The following PRKAR1B variants were observed in gnomAD, a reference collection of about 807,000 sequenced individuals.
PRKAR1B encodes the protein cAMP-dependent protein kinase type I-beta regulatory subunit.
A neutral mutation model predicts 46.5 loss-of-function variants in PRKAR1B; 22 were observed. The ratio of observed to expected loss-of-function variants is 0.47; its 90% CI spans 0.34 to 0.68. The LOEUF (loss-of-function observed/expected upper bound fraction) is 0.68. Ranked by LOEUF, PRKAR1B falls within the 30% of genes least tolerant of loss-of-function variation. The pLI is 0.01. For synonymous variants in PRKAR1B, 259 were observed against 217.7 expected (o/e 1.19, Z -1.67); for missense variants, 445 against 535.6 (o/e 0.83, Z 1.67).
At chr7:577,683 G>C (rs1779939142) in intron 9 of PRKAR1B, among the ~76,000 whole-genome samples, 1 of 152,070 alleles carries the variant, frequency 6.6e-6, no homozygotes, top group Non-Finnish European at 1.5e-5. Flanking sequence ...TCCGAAGGGA[G>C]GGGGCTTCAG....
chr7:582,571 G>A (rs567621199), intron 8 of PRKAR1B, among the ~76,000 whole-genome samples: 21 of 152,386 alleles, frequency 1.4e-4, no homozygotes, highest in African/African-American at 4.8e-4. Context: ...GCGGACGGAG[G>A]CCACGCGGCC....
rs142013984 is a variant in PRKAR1B at position 564,812 on chromosome 7, C to T, written c.892-13342G>A. ...GCACTTCCAGAGTGAACTCCCGAGACGAACACATCAGCTTTGGAGGGAGGA... is the reference window on the plus strand; with the variant it reads ...GCACTTCCAGAGTGAACTCCCGAGATGAACACATCAGCTTTGGAGGGAGGA... On this transcript the variant is annotated intron_variant, in intron 9 of 10. Transcript: ENST00000537384. Among the ~76,000 whole-genome samples the T allele has an allele frequency of 3.8e-3, 582 of 152,328 alleles. 3 individuals are homozygous for T. The highest frequency in any genetic ancestry group is 0.013 in the African/African-American group (553 of 41,582).
At chr7:642,240 G>T (rs1583345197) in intron 4 of PRKAR1B, among the ~76,000 whole-genome samples, 1 of 152,170 alleles carries the variant, frequency 6.6e-6, no homozygotes, top group East Asian at 1.9e-4. Flanking sequence ...GCAGATTCAT[G>T]GTGGACGGGG....
At chr7:617,331 G>C (rs1424212336) in intron 4 of PRKAR1B, among the ~76,000 whole-genome samples, 3 of 143,438 alleles carry the variant, frequency 2.1e-5, no homozygotes, top group African/African-American at 7.8e-5. Flanking sequence ...AAGAGACCGA[G>C]TCTCACTCTG....
rs190682486 is a variant in PRKAR1B, at chr7:697,501, C to T, written c.177+13828G>A. Among the ~76,000 whole-genome samples, 355 of 152,248 alleles carry T rather than the reference C, an allele frequency of 2.3e-3. 1 individual carries two copies. The highest frequency in any genetic ancestry group is 7.9e-3 in the African/African-American group (328 of 41,544). On this transcript the variant is annotated intron_variant, in intron 2 of 10. Coordinates refer to ENST00000537384, the MANE Select transcript of PRKAR1B (RefSeq NM_001164760.2). ...TTCCACGGGGTCATCCACTGCGTGC[C>T]GGGCAGGCATGAGTGGTGTTTCTGG...
chr7:714,653 C>T lies in PRKAR1B; in HGVS notation c.-22-3126G>A, dbSNP rs1340638240. Among the ~76,000 whole-genome samples, 1 of 152,248 alleles carries T rather than the reference C, an allele frequency of 6.6e-6. No homozygotes were observed. The highest frequency in any genetic ancestry group is 1.5e-5 in the Non-Finnish European group (1 of 68,044). On this transcript the variant is annotated intron_variant, in intron 1 of 10. Coordinates refer to ENST00000537384, the MANE Select transcript of PRKAR1B (RefSeq NM_001164760.2). This position sits in a 1 kb window ranked among gnomAD's most constrained non-coding sequence, Gnocchi z 4.3. Reference sequence around the variant, plus strand: ...GTAGGAGTGCGAGGCGTGGCCCCCACCGCCCCAACCTGCAGACAAGTTTCT... The same window carrying T: ...GTAGGAGTGCGAGGCGTGGCCCCCATCGCCCCAACCTGCAGACAAGTTTCT...
At chr7:584,436 G>A (rs1156463181) in intron 8 of PRKAR1B, 72 bp downstream of exon 8, 18 of 1,351,468 alleles carry the variant, frequency 1.3e-5, no homozygotes, top group Non-Finnish European at 1.9e-5. Context: ...CAGGGAATGG[G>A]GAAGAGGCCG....
chr7:627,467 C>T lies in PRKAR1B; in HGVS notation c.441-20015G>A, dbSNP rs376202843. 2.6e-5 allele frequency among the ~76,000 whole-genome samples: 4 copies of T among 152,342 alleles called. No individual in the cohort carries two copies. In the East Asian group the frequency reaches 7.7e-4, roughly 29 times the overall value. On this transcript the variant is annotated intron_variant, in intron 4 of 10. Transcript: ENST00000537384. ...GAGACTAACTCATGACTCCCCCACG[C>T]CTGAGGGTTTGCAAAGGGCAGAGCC...
intron 1 of PRKAR1B, among the ~76,000 whole-genome samples, chr7:716,400 A>G (rs1780886376): frequency 6.6e-6 from 1 of 152,036 alleles, no homozygotes. Context: ...TCGCACTTCT[A>G]AACTTTGCTC....
rs535442888 is a variant in PRKAR1B, at chr7:602,850, G to T, written c.549+3343C>A. On this transcript the variant is annotated intron_variant, in intron 6 of 10. Coordinates refer to ENST00000537384, the MANE Select transcript of PRKAR1B (RefSeq NM_001164760.2). This position sits in a 1 kb window ranked among gnomAD's most constrained non-coding sequence, Gnocchi z 6.4. ...TTCTGAGTAATATGGAAATGGCACG[G>T]CTCAGCCACACAAGGGCCTGGGCAA... is the stretch of plus-strand genomic sequence containing the variant. Among the ~76,000 whole-genome samples the T allele has an allele frequency of 6.6e-6, 1 of 152,266 alleles. No homozygotes were observed. Among genetic ancestry groups the T allele is most frequent in the South Asian group, 2.1e-4 (1 of 4,828 alleles).
At chr7:591,828 C>T (rs1016251896) in intron 7 of PRKAR1B, among the ~76,000 whole-genome samples, 1 of 152,222 alleles carries the variant, frequency 6.6e-6, no homozygotes, top group Middle Eastern at 3.2e-3. Flanking sequence ...GGCCTCATCC[C>T]CTCACACTTC....
chr7:695,558 C>T (rs989917022), intron 2 of PRKAR1B, among the ~76,000 whole-genome samples: 11 of 152,158 alleles, frequency 7.2e-5, no homozygotes, highest in African/African-American at 1.4e-4. Context: ...GTGAGATGGG[C>T]GAGGTCACAA....
chr7:672,875 G>GA (rs752139803), intron 4 of PRKAR1B, among the ~76,000 whole-genome samples: 3 of 151,158 alleles, frequency 2.0e-5, no homozygotes, highest in African/African-American at 4.9e-5. Context: ...CTCAAAAAAA[G>GA]AAAAAATAAT....
rs534728248 is a variant in PRKAR1B at position 694,373 on chromosome 7, G to GT, written c.178-13648_178-13647insA. Among the ~76,000 whole-genome samples the GT allele has an allele frequency of 7.6e-3, 1,081 of 142,706 alleles. 12 individuals are homozygous for GT. Among genetic ancestry groups the GT allele is most frequent in the Middle Eastern group, 0.046 (13 of 282 alleles). 93.6% of individuals were successfully genotyped at this position (142,706 alleles called of 152,430 possible). A position where few individuals can be genotyped will look rare whatever the true frequency, so the allele number is the denominator to read the frequency against. ...CCCGGGACCAAGACACAAGCTCCAG[G>GT]GTTTAGACCCCGGACCAAGACATCA... On this transcript the variant is annotated intron_variant, in intron 2 of 10. Transcript: ENST00000537384.
At chr7:718,794 C>T (rs1176101806) in intron 1 of PRKAR1B, among the ~76,000 whole-genome samples, 1 of 150,724 alleles carries the variant, frequency 6.6e-6, no homozygotes, top group East Asian at 1.9e-4. Context: ...TATCCCTGAC[C>T]TTTTCTCTTA....
intron 4 of PRKAR1B, among the ~76,000 whole-genome samples, chr7:635,394 A>G (rs1409290710): frequency 1.3e-5 from 2 of 152,244 alleles, no homozygotes; most frequent in Non-Finnish European, 2.9e-5. Context: ...AACAGGGGTC[A>G]GAGCAGCAGG....
intron 4 of PRKAR1B, among the ~76,000 whole-genome samples, chr7:623,384 G>A (rs749576382): frequency 1.5e-4 from 23 of 152,220 alleles, no homozygotes; most frequent in Non-Finnish European, 2.8e-4. Context: ...TCAGGTTCCA[G>A]AACCTTCTTC....
chr7:718,302 A>G (rs1274733071), intron 1 of PRKAR1B, among the ~76,000 whole-genome samples: 1 of 149,184 alleles, frequency 6.7e-6, no homozygotes, highest in Non-Finnish European at 1.5e-5. Context: ...ACACATACAC[A>G]TATATACATA....
At chr7:558,805 T>G (rs1028033903) in intron 9 of PRKAR1B, among the ~76,000 whole-genome samples, 3 of 152,144 alleles carry the variant, frequency 2.0e-5, no homozygotes, top group African/African-American at 7.2e-5. Context: ...TAGCATCAGC[T>G]TCCTTGGAAG....
Sources: gnomAD v4.1 joint callset for allele counts (sites outside exome capture counted in the v4.1 genomes callset) on GRCh38, gnomAD v4.1.1 for gene constraint, Gnocchi (gnomAD v3.1) non-coding constraint, MANE v1.5 for transcripts, NCBI Gene and HGNC (gene_info 2026-07-23, HGNC 2026-07-21) for gene names.